The following TFCP2 variants were observed in gnomAD, a reference collection of about 807,000 sequenced individuals.
TFCP2 encodes transcription factor CP2, also known as alpha-globin transcription factor CP2.
In TFCP2, 33 loss-of-function variants were observed where a neutral mutation model predicts 73.4. The observed-to-expected ratio is 0.45, with a 90% CI of 0.34 to 0.60. TFCP2 has a LOEUF of 0.60. Ranked by LOEUF, TFCP2 falls within the 20% of genes least tolerant of loss-of-function variation. The pLI is 0.01. For synonymous variants in TFCP2, 193 were observed against 211.6 expected (o/e 0.91, Z 0.76); for missense variants, 352 against 604.0 (o/e 0.58, Z 4.37).
chr12:51,141,231 G>A, intron 1 of TFCP2, among the ~76,000 whole-genome samples: 1 of 151,214 alleles, frequency 6.6e-6, no homozygotes, highest in Non-Finnish European at 1.5e-5. Flanking sequence ...GGGAAGTGGG[G>A]GAAGAACTAA....
chr12:51,103,856 A>G (rs1940168753), intron 9 of TFCP2, 93 bp from the exon 10 acceptor site: 1 of 983,002 alleles, frequency 1.0e-6, no homozygotes, highest in Non-Finnish European at 1.6e-6. Flanking sequence ...ACAACCCCAT[A>G]CTCAGGCCTA....
chr12:51,113,022 T>C (rs923389170), intron 4 of TFCP2, among the ~76,000 whole-genome samples: 12 of 152,194 alleles, frequency 7.9e-5, no homozygotes, highest in Non-Finnish European at 7.4e-5. Flanking sequence ...TCAAATAGCA[T>C]TCCCTGATTT....
intron 4 of TFCP2, among the ~76,000 whole-genome samples, chr12:51,113,658 T>C (rs1465321697): frequency 6.6e-6 from 1 of 152,108 alleles, no homozygotes; most frequent in Non-Finnish European, 1.5e-5. Context: ...AAACTGACTA[T>C]AAAGCTACAC....
At chr12:51,105,376 G>A (rs1229794889) in intron 8 of TFCP2, among the ~76,000 whole-genome samples, 2 of 152,152 alleles carry the variant, frequency 1.3e-5, no homozygotes, top group Non-Finnish European at 2.9e-5. Flanking sequence ...GCAGGTGTGA[G>A]CCACCGCGCC....
At chr12:51,097,394 C>A (rs964392647) in intron 13 of TFCP2, among the ~76,000 whole-genome samples, 2 of 152,006 alleles carry the variant, frequency 1.3e-5, no homozygotes, top group African/African-American at 4.8e-5. Context: ...ATTATAGGCA[C>A]CTGCCATCAT....
chr12:51,164,181 G>A (rs11169727), intron 1 of TFCP2, among the ~76,000 whole-genome samples: 25,591 of 152,010 alleles, frequency 0.17, 2,574 homozygotes, highest in South Asian at 0.27. Context: ...TTCCAGCCTG[G>A]GTAACAGAGC....
chr12:51,146,575 G>A (rs1351772559), intron 1 of TFCP2, among the ~76,000 whole-genome samples: 1 of 152,098 alleles, frequency 6.6e-6, no homozygotes, highest in Admixed American at 6.6e-5. Context: ...CGAAACACCT[G>A]ACCTCTAAGT....
At chr12:51,114,173 G>T (rs1940461903) in intron 4 of TFCP2, among the ~76,000 whole-genome samples, 1 of 152,090 alleles carries the variant, frequency 6.6e-6, no homozygotes, top group Admixed American at 6.6e-5. Context: ...TAACAGAAAA[G>T]ATTTGCATGT....
At chr12:51,124,725 G>C in intron 1 of TFCP2, 1 of 698,990 alleles carries the variant, frequency 1.4e-6, no homozygotes, top group Non-Finnish European at 2.7e-6. Flanking sequence ...GGTTGCCTTG[G>C]AGTCGCCCTC....
Position 51,106,941 on chromosome 12 carries a change from T to C in TFCP2, c.828+295A>G, listed in dbSNP as rs140627571. 5.4e-4 allele frequency: 283 copies of C among 523,088 alleles called. 3 individuals carry two copies. The highest frequency in any genetic ancestry group is 2.9e-3 in the South Asian group (129 of 43,760). The allele number at this position is 523,088 out of a possible 1,614,324, so 32.4% of individuals were successfully genotyped here. A position where few individuals can be genotyped will look rare whatever the true frequency, so the allele number is the denominator to read the frequency against. ...TTATGCCCAAGATGAAACTGAATTC[T>C]ATTTGGGCAAGAGATGTGCTTATGT... On this transcript the variant is annotated intron_variant, in intron 7 of 14. Coordinates refer to ENST00000257915, the MANE Select transcript of TFCP2 (RefSeq NM_005653.5).
intron 1 of TFCP2, among the ~76,000 whole-genome samples, chr12:51,162,445 CAAA>C (rs34045047): frequency 3.6e-5 from 4 of 109,718 alleles, no homozygotes; most frequent in Non-Finnish European, 1.9e-5. Context: ...GACTCCATCT[CAAA>C]AAAAAAAAAA....
rs771210565 is a variant in TFCP2 at position 51,109,174 on chromosome 12, C to T, written c.664G>A (p.Gly222Arg). 1.8e-5 allele frequency: 29 copies of T among 1,614,088 alleles called. No individual in the cohort carries two copies. The highest frequency in any genetic ancestry group is 5.5e-5 in the South Asian group (5 of 91,090). ...QIDTFKENEN[G>R]EYTEHLHSAS... ...GAGTGTAAGTGCTCAGTATATTCCC[C>T]GTTTTCATTCTCCTTGAAGGTATCT... Residue 222 changes from glycine to arginine, a missense_variant, in exon 6 of 15, where the codon GGG (glycine) becomes AGG (arginine). This residue lies in a region of TFCP2 where 47 missense variants were observed against 89.1 expected (regional missense o/e 0.53). Transcript: ENST00000257915.
chr12:51,096,408 A>G (rs1054302300), intron 13 of TFCP2, among the ~76,000 whole-genome samples: 1 of 151,916 alleles, frequency 6.6e-6, no homozygotes. Flanking sequence ...TTCCTTCCCC[A>G]CTTTCCCTTC....
intron 1 of TFCP2, among the ~76,000 whole-genome samples, chr12:51,166,556 G>T (rs916043205): frequency 1.3e-5 from 2 of 152,082 alleles, no homozygotes; most frequent in Admixed American, 6.6e-5. Context: ...CCCAAAAAGT[G>T]ACCTTTTCAT....
At position 51,094,200 on chromosome 12, in the gene TFCP2, A is replaced by G. The variant is rs1939902369; in HGVS notation, c.*1041T>C. 1 of 152,252 alleles carries G rather than the reference A, an allele frequency of 6.6e-6. No individual in the cohort carries two copies. Among genetic ancestry groups the G allele is most frequent in the African/African-American group, 2.4e-5 (1 of 41,466 alleles). 9.4% of individuals were successfully genotyped at this position (152,252 alleles called of 1,614,324 possible). A position where few individuals can be genotyped will look rare whatever the true frequency, so the allele number is the denominator to read the frequency against. On this transcript the variant is annotated 3_prime_UTR_variant, in exon 15 of 15. Transcript: ENST00000257915. ...CATTAATAAATAGTTTGAGAATGTCATTCAAGAACAGTAAATTTGGGGAGT... is the reference window on the plus strand; with the variant it reads ...CATTAATAAATAGTTTGAGAATGTCGTTCAAGAACAGTAAATTTGGGGAGT...
intron 11 of TFCP2, among the ~76,000 whole-genome samples, chr12:51,101,635 T>G (rs1329645311): frequency 6.6e-6 from 1 of 152,178 alleles, no homozygotes; most frequent in African/African-American, 2.4e-5. Context: ...GGCACCCTGT[T>G]TTGCTCACCA....
At chr12:51,129,288 C>T (rs571852906) in intron 1 of TFCP2, among the ~76,000 whole-genome samples, 45 of 151,452 alleles carry the variant, frequency 3.0e-4, no homozygotes, top group Admixed American at 6.6e-4. Context: ...CTGAGGTGGG[C>T]GGATCACGAG....
Position 51,151,160 on chromosome 12 carries a change from G to A in TFCP2, c.122+21141C>T, listed in dbSNP as rs140071283. On this transcript the variant is annotated intron_variant, in intron 1 of 14. Transcript: ENST00000257915. ...ATGCAAAGACACTGAGGTGAGACTG[G>A]AGCCCTAAGACCAGGTGCGGCTGCA... 3.1e-3 allele frequency among the ~76,000 whole-genome samples: 478 copies of A among 152,292 alleles called. 1 individual carries two copies. The highest frequency in any genetic ancestry group is 6.8e-3 in the Middle Eastern group (2 of 294).
At chr12:51,133,786 G>T (rs1343592033) in intron 1 of TFCP2, among the ~76,000 whole-genome samples, 1 of 152,094 alleles carries the variant, frequency 6.6e-6, no homozygotes, top group Non-Finnish European at 1.5e-5. Flanking sequence ...AATTAGCCAG[G>T]CATGGTGGCA....
Sources: gnomAD v4.1 joint callset for allele counts (sites outside exome capture counted in the v4.1 genomes callset) on GRCh38, gnomAD v4.1.1 for gene constraint, gnomAD v4.1.1 regional missense constraint, MANE v1.5 for transcripts, NCBI Gene and HGNC (gene_info 2026-07-23, HGNC 2026-07-21) for gene names.